The following PDE11A variants were observed in gnomAD, a reference collection of about 807,000 sequenced individuals.
The protein encoded by PDE11A is phosphodiesterase 11A.
A neutral mutation model predicts 100.5 loss-of-function variants in PDE11A; 100 were observed. The ratio of observed to expected loss-of-function variants is 1.00; its 90% CI spans 0.85 to 1.18. The LOEUF (loss-of-function observed/expected upper bound fraction) is 1.18, where lower values mean the gene tolerates loss of function less well. PDE11A is among the 50% of genes most tolerant of loss of function. The pLI, the probability that PDE11A is intolerant of heterozygous loss-of-function variation, is 0.00. For synonymous variants in PDE11A, 381 were observed against 420.8 expected (o/e 0.91, Z 1.16); for missense variants, 1,141 against 1,152.6 (o/e 0.99, Z 0.15).
chr2:178,077,089 G>A (rs2105876525), upstream of PDE11A, among the ~76,000 whole-genome samples: 1 of 152,202 alleles, frequency 6.6e-6, no homozygotes, highest in African/African-American at 2.4e-5. Context: ...TATAATAGTT[G>A]TTAATGCCCC....
intron 6 of PDE11A, among the ~76,000 whole-genome samples, chr2:177,835,817 G>C (rs1335729146): frequency 6.6e-6 from 1 of 152,194 alleles, no homozygotes; most frequent in Non-Finnish European, 1.5e-5. Flanking sequence ...TAGCACCCGG[G>C]CCAGCAGCTG....
intron 9 of PDE11A, among the ~76,000 whole-genome samples, chr2:177,802,116 A>G (rs2082803828): frequency 6.6e-6 from 1 of 152,064 alleles, no homozygotes; most frequent in Non-Finnish European, 1.5e-5. Flanking sequence ...AAAGAGTACA[A>G]CATTTTTAGT....
intron 15 of PDE11A, among the ~76,000 whole-genome samples, chr2:177,694,830 A>G (rs1354600320): frequency 6.6e-6 from 1 of 151,842 alleles, no homozygotes; most frequent in Non-Finnish European, 1.5e-5. Context: ...TATTTTGGCT[A>G]TCATGTTCTT....
intron 2 of PDE11A, among the ~76,000 whole-genome samples, chr2:178,003,483 T>C (rs569021029): frequency 2.0e-5 from 3 of 152,192 alleles, no homozygotes; most frequent in East Asian, 1.9e-4. Flanking sequence ...TCTATTTATA[T>C]GAATTGTCCA....
intron 2 of PDE11A, chr2:177,997,961 C>T: frequency 8.3e-7 from 1 of 1,210,560 alleles, no homozygotes; most frequent in Non-Finnish European, 1.2e-6. Flanking sequence ...GTCAAGATAC[C>T]AAGGTTAGGG....
Position 178,064,565 on chromosome 2 carries a change from C to T in PDE11A, c.912+6961G>A, listed in dbSNP as rs529639241. ...GATTAAAAGAGACAATGCTTGCTAA[C>T]GAGCTGTGTGGCTCAAAGTTAGTAC... On this transcript the variant is annotated intron_variant, in intron 1 of 19. Transcript: ENST00000286063. Among the ~76,000 whole-genome samples, 9 of 152,026 alleles carry T rather than the reference C, an allele frequency of 5.9e-5. No homozygotes were observed. The South Asian group carries it at 1.0e-3, about 18-fold the overall frequency.
At chr2:177,792,433 T>C (rs1194947418) in intron 9 of PDE11A, among the ~76,000 whole-genome samples, 1 of 152,196 alleles carries the variant, frequency 6.6e-6, no homozygotes, top group African/African-American at 2.4e-5. Flanking sequence ...AATATTTATA[T>C]ATACTGATTT....
intron 15 of PDE11A, among the ~76,000 whole-genome samples, chr2:177,683,041 G>A (rs944413544): frequency 6.6e-6 from 1 of 152,208 alleles, no homozygotes; most frequent in African/African-American, 2.4e-5. Flanking sequence ...CAAAGGACAA[G>A]AGGTTGAGAA....
At chr2:178,053,227 C>T (rs2086851575) in intron 1 of PDE11A, among the ~76,000 whole-genome samples, 1 of 152,128 alleles carries the variant, frequency 6.6e-6, no homozygotes, top group Non-Finnish European at 1.5e-5. Context: ...AATCAATAAA[C>T]ATAATCCATC....
intron 19 of PDE11A, among the ~76,000 whole-genome samples, chr2:177,643,286 T>C (rs2080173043): frequency 6.6e-6 from 1 of 152,332 alleles, no homozygotes; most frequent in East Asian, 1.9e-4. Flanking sequence ...GTTGAGTGGC[T>C]CTGACCAAAA....
chr2:177,736,587 G>T (rs1470280473), intron 10 of PDE11A, among the ~76,000 whole-genome samples: 1 of 152,080 alleles, frequency 6.6e-6, no homozygotes, highest in Non-Finnish European at 1.5e-5. Flanking sequence ...ACAGGAATGA[G>T]GAAAGAGAGG....
intron 2 of PDE11A, among the ~76,000 whole-genome samples, chr2:178,002,217 C>A (rs2086153565): frequency 6.6e-6 from 1 of 152,200 alleles, no homozygotes; most frequent in Non-Finnish European, 1.5e-5. Context: ...TGGCCTCCAG[C>A]TGCATCATGT....
chr2:177,904,061 TG>T (rs2084740581), intron 3 of PDE11A, among the ~76,000 whole-genome samples: 1 of 152,222 alleles, frequency 6.6e-6, no homozygotes, highest in Non-Finnish European at 1.5e-5. Context: ...ATCAACTTGA[TG>T]GCCAGATTAA....
intron 1 of PDE11A, among the ~76,000 whole-genome samples, chr2:178,030,401 C>T (rs942269018): frequency 1.1e-4 from 17 of 152,040 alleles, no homozygotes; most frequent in Admixed American, 7.2e-4. Flanking sequence ...AAAATATTCC[C>T]GTTAAACATA....
At chr2:178,073,197 G>A (rs2105874412), upstream of PDE11A, among the ~76,000 whole-genome samples, 1 of 152,272 alleles carries the variant, frequency 6.6e-6, no homozygotes, top group Non-Finnish European at 1.5e-5. Flanking sequence ...CTCAGAGACA[G>A]GCAGGGTTAT....
At chr2:178,047,183 C>T (rs151093448) in intron 1 of PDE11A, among the ~76,000 whole-genome samples, 6 of 152,148 alleles carry the variant, frequency 3.9e-5, no homozygotes, top group Middle Eastern at 3.4e-3. Flanking sequence ...CACCCAAGGC[C>T]GGGCATGGTG....
chr2:178,103,662 G>T (rs1357310064), intron 2 of PDE11A, among the ~76,000 whole-genome samples: 2 of 151,326 alleles, frequency 1.3e-5, no homozygotes, highest in Non-Finnish European at 2.9e-5. Flanking sequence ...TTGAAAAAAG[G>T]TGATATATAT....
intron 9 of PDE11A, among the ~76,000 whole-genome samples, chr2:177,776,974 GT>G (rs1341836935): frequency 4.6e-5 from 7 of 152,112 alleles, no homozygotes; most frequent in Non-Finnish European, 1.5e-5. Context: ...AGATCTGATG[GT>G]TTTATAAGTG....
Position 177,680,898 on chromosome 2 carries a change from C to T in PDE11A, c.2351G>A (p.Arg784Lys). The change falls in exon 16 of 20, where the codon AGA becomes AAA. Residue 784 changes from arginine to lysine, a missense_variant. Coordinates refer to ENST00000286063, the MANE Select transcript of PDE11A (RefSeq NM_016953.4). ...ATDLTLYFER[R>K]TEFFELVSKG... ...ACTGACAAGTTCAAAGAATTCAGTT[C>T]TCCTCCTGCAGGAAAATCAAATGAA... is the stretch of plus-strand genomic sequence containing the variant. The T allele has an allele frequency of 1.9e-6, 3 of 1,552,564 alleles. No homozygotes were observed. The highest frequency in any genetic ancestry group is 2.2e-5 in the South Asian group (2 of 89,158).
Sources: gnomAD v4.1 joint callset for allele counts (sites outside exome capture counted in the v4.1 genomes callset) on GRCh38, gnomAD v4.1.1 for gene constraint, MANE v1.5 for transcripts, NCBI Gene and HGNC (gene_info 2026-07-23, HGNC 2026-07-21) for gene names.